The following EPHA6 variants were observed in gnomAD, a reference collection of about 807,000 sequenced individuals.
EPHA6 encodes the protein ephrin type-A receptor 6.
In EPHA6, 50 loss-of-function variants were observed where a neutral mutation model predicts 112.0. The ratio of observed to expected loss-of-function variants is 0.45; its 90% CI spans 0.36 to 0.56. The LOEUF is 0.56. Among genes scored for constraint, EPHA6 ranks in the 20% least tolerant of loss-of-function variants. EPHA6 has a pLI of 0.00. For synonymous variants in EPHA6, 529 were observed against 490.7 expected (o/e 1.08, Z -1.03); for missense variants, 1,280 against 1,417.4 (o/e 0.90, Z 1.56).
chr3:97,570,115 G>GT (rs1190218564), intron 11 of EPHA6, among the ~76,000 whole-genome samples: 1 of 152,116 alleles, frequency 6.6e-6, no homozygotes, highest in Non-Finnish European at 1.5e-5. Flanking sequence ...GCTGCCACCA[G>GT]AGATTTTGTA....
At chr3:97,376,033 A>G (rs1490726273) in intron 5 of EPHA6, among the ~76,000 whole-genome samples, 1 of 152,160 alleles carries the variant, frequency 6.6e-6, no homozygotes, top group Non-Finnish European at 1.5e-5. Flanking sequence ...AGATCATCAA[A>G]TTGTCCAACA....
rs187356442 is a variant in EPHA6 at position 97,114,546 on chromosome 3, A to G, written c.1115-111718A>G. Among the ~76,000 whole-genome samples the G allele has an allele frequency of 4.6e-5, 7 of 152,172 alleles. No individual in the cohort carries two copies. The East Asian group carries it at 1.2e-3, about 25-fold the overall frequency. ...TTTTATTTTGGTGTTTTGAGATTTT[A>G]TATAATTTTATTTTTAAATTGTCTC... On this transcript the variant is annotated intron_variant, in intron 3 of 17. Coordinates refer to ENST00000389672, the MANE Select transcript of EPHA6 (RefSeq NM_001080448.3).
At position 97,269,862 on chromosome 3, in the gene EPHA6, T is replaced by C. The variant is rs2079823266; in HGVS notation, c.1606+25575T>C. 2.0e-5 allele frequency among the ~76,000 whole-genome samples: 3 copies of C among 152,290 alleles called. 1 individual carries two copies. The South Asian group carries it at 6.2e-4, about 32-fold the overall frequency. The stretch of plus-strand genomic sequence containing the variant: ...TGAAACAAAGTATACAAGAAAAAAA[T>C]GGCAAATAATTATTCATGTGGTTGA... On this transcript the variant is annotated intron_variant, in intron 5 of 17. Coordinates refer to ENST00000389672, the MANE Select transcript of EPHA6 (RefSeq NM_001080448.3).
At chr3:97,445,993 G>C (rs1242562004) in intron 6 of EPHA6, among the ~76,000 whole-genome samples, 3 of 152,126 alleles carry the variant, frequency 2.0e-5, no homozygotes, top group Admixed American at 6.5e-5. Context: ...CCAGGATGAA[G>C]AAAACATCTC....
At chr3:96,908,780 C>T (rs2039068247) in intron 2 of EPHA6, among the ~76,000 whole-genome samples, 1 of 151,886 alleles carries the variant, frequency 6.6e-6, no homozygotes, top group South Asian at 2.1e-4. Context: ...ACAATTTTCT[C>T]TGTGTTCCTA....
At chr3:97,699,046 T>G (rs1204576974) in intron 14 of EPHA6, among the ~76,000 whole-genome samples, 1 of 152,118 alleles carries the variant, frequency 6.6e-6, no homozygotes, top group African/African-American at 2.4e-5. Flanking sequence ...ATTCTGGAAA[T>G]TGTGACATAT....
intron 6 of EPHA6, among the ~76,000 whole-genome samples, chr3:97,446,642 T>C (rs2090355723): frequency 6.6e-6 from 1 of 152,162 alleles, no homozygotes; most frequent in African/African-American, 2.4e-5. Flanking sequence ...AAATGCACCA[T>C]AACTCTTACG....
At chr3:97,690,293 T>C (rs377257410) in intron 14 of EPHA6, among the ~76,000 whole-genome samples, 1 of 152,226 alleles carries the variant, frequency 6.6e-6, no homozygotes, top group Non-Finnish European at 1.5e-5. Context: ...TTTCAGGACA[T>C]CCTGGCTAAC....
In EPHA6 at chr3:96,927,363, A is replaced by G. The variant is rs181302789; in HGVS notation, c.451-59967A>G. On this transcript the variant is annotated intron_variant, in intron 2 of 17. Transcript: ENST00000389672. The stretch of plus-strand genomic sequence containing the variant: ...GGCATGCCCTGGAAACATTTTCTCC[A>G]TTGTCTCAGATATTAACATTCAGCT... 3.9e-5 allele frequency among the ~76,000 whole-genome samples: 6 copies of G among 152,292 alleles called. No individual in the cohort carries two copies. The East Asian group carries it at 5.8e-4, about 15-fold the overall frequency.
intron 3 of EPHA6, among the ~76,000 whole-genome samples, chr3:97,039,802 C>T (rs980964559): frequency 4.0e-5 from 6 of 151,898 alleles, no homozygotes; most frequent in African/African-American, 1.5e-4. Context: ...GGGGACACTT[C>T]GAAGTAAGTT....
chr3:97,595,385 T>G (rs2093578857), intron 12 of EPHA6, among the ~76,000 whole-genome samples: 1 of 152,266 alleles, frequency 6.6e-6, no homozygotes, highest in Admixed American at 6.5e-5. Context: ...GGCTCAGGCC[T>G]GTAATCCCAG....
At chr3:97,441,750 A>G (rs778574829) in intron 6 of EPHA6, among the ~76,000 whole-genome samples, 27 of 152,204 alleles carry the variant, frequency 1.8e-4, no homozygotes, top group Non-Finnish European at 3.2e-4. Flanking sequence ...ATAAGTGGTC[A>G]TTGCTAGTAT....
chr3:97,630,436 A>T (rs2093893161), intron 13 of EPHA6, among the ~76,000 whole-genome samples: 1 of 151,996 alleles, frequency 6.6e-6, no homozygotes, highest in South Asian at 2.1e-4. Context: ...AATCCCAAAC[A>T]TTTCTTTTTC....
Position 97,532,453 on chromosome 3 carries a change from C to A in EPHA6, c.2296C>A (p.Arg766=), listed in dbSNP as rs139774071. The change falls in exon 11 of 18, where the codon CGG becomes AGG. Residue 766 remains arginine, a synonymous_variant. Transcript: ENST00000389672. ...AACTTTGAAAGGTGGCCACATGGATCGGCAAAGAAGAGATTTTCTAAGAGA... is the reference window on the plus strand; with the variant it reads ...AACTTTGAAAGGTGGCCACATGGATAGGCAAAGAAGAGATTTTCTAAGAGA... ...IKTLKGGHMD[R]QRRDFLREAS... 4 of 1,612,316 alleles carry A rather than the reference C, an allele frequency of 2.5e-6. No individual in the cohort carries two copies. Among genetic ancestry groups the A allele is most frequent in the African/African-American group, 1.3e-5 (1 of 74,820 alleles).
chr3:97,136,660 T>G (rs2075777313), intron 3 of EPHA6, among the ~76,000 whole-genome samples: 1 of 152,160 alleles, frequency 6.6e-6, no homozygotes, highest in South Asian at 2.1e-4. Context: ...GCCTAGGAGA[T>G]GGAGGCTACA....
chr3:96,883,994 G>A (rs1257278126), intron 2 of EPHA6, among the ~76,000 whole-genome samples: 1 of 152,036 alleles, frequency 6.6e-6, no homozygotes, highest in Non-Finnish European at 1.5e-5. Context: ...CCCATTTTAT[G>A]TTTTTGTTTG....
chr3:97,194,503 A>G (rs2077389625), intron 3 of EPHA6, among the ~76,000 whole-genome samples: 1 of 152,074 alleles, frequency 6.6e-6, no homozygotes, highest in South Asian at 2.1e-4. Context: ...TCTATCCTTG[A>G]GAATGATCTA....
chr3:97,018,099 C>T (rs2044326526), intron 3 of EPHA6, among the ~76,000 whole-genome samples: 1 of 151,422 alleles, frequency 6.6e-6, no homozygotes, highest in African/African-American at 2.4e-5. Context: ...TTCATTTGTC[C>T]ATCACATTTT....
intron 5 of EPHA6, among the ~76,000 whole-genome samples, chr3:97,368,774 A>G (rs997654378): frequency 6.6e-6 from 1 of 152,226 alleles, no homozygotes; most frequent in African/African-American, 2.4e-5. Context: ...ACATATAGGT[A>G]TTAGGTGCTT....
Sources: allele counts gnomAD v4.1 joint callset (sites outside exome capture counted in the v4.1 genomes callset), GRCh38; gene constraint gnomAD v4.1.1; transcripts MANE v1.5; gene names NCBI Gene and HGNC (gene_info 2026-07-23, HGNC 2026-07-21).